Variants in MOCOS observed in about 807,000 individuals in gnomAD.
The protein encoded by MOCOS is human molybdenum cofactor sulfurase.
In MOCOS, 86 loss-of-function variants were observed where a neutral mutation model predicts 83.6. That is an observed-to-expected ratio of 1.03 (90% CI 0.86 to 1.23). MOCOS has a LOEUF of 1.23. MOCOS is among the 50% of genes most tolerant of loss of function. The pLI, the probability that MOCOS is intolerant of heterozygous loss-of-function variation, is 0.00. For synonymous variants in MOCOS, 445 were observed against 434.7 expected (o/e 1.02, Z -0.29); for missense variants, 1,120 against 1,126.9 (o/e 0.99, Z 0.09).
In MOCOS at chr18:36,255,413, C is replaced by T. The variant is rs182533947; in HGVS notation, c.2165-1555C>T. On this transcript the variant is annotated intron_variant, in intron 11 of 14. Coordinates refer to ENST00000261326, the MANE Select transcript of MOCOS (RefSeq NM_017947.4). ...AGCAAATAATTGGAATCCATCTGAC[C>T]TACAGGAGGATCATTTGCCCAAGCT... 3.9e-5 allele frequency among the ~76,000 whole-genome samples: 6 copies of T among 152,320 alleles called. No individual in the cohort carries two copies. The East Asian group carries it at 1.2e-3, about 29-fold the overall frequency.
At chr18:36,221,743 TGAGACAGAGTTTCACTC>T (rs2091496927) in intron 9 of MOCOS, among the ~76,000 whole-genome samples, 1 of 151,614 alleles carries the variant, frequency 6.6e-6, no homozygotes, top group African/African-American at 2.4e-5. Context: ...TTTTTTTTTT[TGAGACAGAGTTTCACTC>T]TTGTTGTCCA....
chr18:36,221,602 GTGTTCTGTTCTGTTC>G (rs10618481), intron 9 of MOCOS, among the ~76,000 whole-genome samples: 24,548 of 150,702 alleles, frequency 0.16, 2,489 homozygotes, highest in African/African-American at 0.26. Context: ...TTGGCTGTAA[GTGTTCTGTTCTGTTC>G]TGTTCTGTTC....
chr18:36,266,684 C>A, intron 13 of MOCOS, 65 bp from the exon 14 acceptor site: 1 of 1,378,906 alleles, frequency 7.3e-7, no homozygotes, highest in Non-Finnish European at 1.0e-6. Flanking sequence ...TGTGATTCCT[C>A]CCTCTGAGGT....
At position 36,227,422 on chromosome 18, in the gene MOCOS, G is replaced by T. The variant is rs537468856; in HGVS notation, c.1960+7205G>T. Among the ~76,000 whole-genome samples the T allele has an allele frequency of 1.8e-4, 27 of 151,692 alleles. 1 individual carries two copies. The South Asian group carries it at 4.2e-3, about 23-fold the overall frequency. On this transcript the variant is annotated intron_variant, in intron 9 of 14. Coordinates refer to ENST00000261326, the MANE Select transcript of MOCOS (RefSeq NM_017947.4). ...AAATTTTTTTTTTTTTTGAGATGGG[G>T]TCTCGCTCTGTCACCCAGGCTGGAG... is the stretch of plus-strand genomic sequence containing the variant.
chr18:36,236,882 C>G (rs1336320278), intron 9 of MOCOS, among the ~76,000 whole-genome samples: 1 of 151,024 alleles, frequency 6.6e-6, no homozygotes, highest in East Asian at 2.0e-4. Flanking sequence ...GTATTTTATT[C>G]TCTTTGAAGC....
At chr18:36,231,991 C>T (rs139453374) in intron 9 of MOCOS, among the ~76,000 whole-genome samples, 65 of 152,146 alleles carry the variant, frequency 4.3e-4, no homozygotes, top group African/African-American at 1.4e-3. Flanking sequence ...TTTTGAGACA[C>T]GTTCTCACTG....
chr18:36,236,079 G>A (rs879900731), intron 9 of MOCOS, among the ~76,000 whole-genome samples: 111 of 126,078 alleles, frequency 8.8e-4, no homozygotes, highest in Non-Finnish European at 1.6e-3. Context: ...CATTTTGTAG[G>A]TTGCCTGTTC....
At chr18:36,247,836 A>T (rs2091607953) in intron 9 of MOCOS, among the ~76,000 whole-genome samples, 1 of 152,240 alleles carries the variant, frequency 6.6e-6, no homozygotes, top group African/African-American at 2.4e-5. Context: ...GCAGCGGTTC[A>T]TGCAGCAAAA....
chr18:36,235,635 G>A (rs1362780603), intron 9 of MOCOS, among the ~76,000 whole-genome samples: 1 of 149,324 alleles, frequency 6.7e-6, no homozygotes, highest in Non-Finnish European at 1.5e-5. Flanking sequence ...ATAGTCCTTT[G>A]GGTATATACC....
chr18:36,197,152 C>T (rs1277898412), intron 2 of MOCOS, among the ~76,000 whole-genome samples: 1 of 152,044 alleles, frequency 6.6e-6, no homozygotes, highest in African/African-American at 2.4e-5. Context: ...ACAGTGGCCC[C>T]CTTCACATAT....
intron 9 of MOCOS, among the ~76,000 whole-genome samples, chr18:36,229,954 C>G (rs1568059618): frequency 6.6e-6 from 1 of 152,126 alleles, no homozygotes; most frequent in Non-Finnish European, 1.5e-5. Context: ...TTTAAACTCT[C>G]TGTCAGGTAA....
At chr18:36,255,179 A>G (rs2091637240) in intron 11 of MOCOS, among the ~76,000 whole-genome samples, 1 of 152,230 alleles carries the variant, frequency 6.6e-6, no homozygotes. Flanking sequence ...CCCATGAATG[A>G]CTGTCACTCA....
intron 3 of MOCOS, 130 bp downstream of exon 3, chr18:36,198,886 A>C: frequency 3.3e-6 from 3 of 916,226 alleles, no homozygotes; most frequent in African/African-American, 1.6e-5. Context: ...AAGGCAATGC[A>C]TGTATGTTGA....
intron 9 of MOCOS, among the ~76,000 whole-genome samples, chr18:36,247,475 C>T (rs1473302096): frequency 6.6e-6 from 1 of 152,196 alleles, no homozygotes; most frequent in Non-Finnish European, 1.5e-5. Context: ...GGCCCCTCTC[C>T]AATTCCACTG....
At chr18:36,188,414 A>G (rs1004573965) in intron 1 of MOCOS, among the ~76,000 whole-genome samples, 2 of 152,174 alleles carry the variant, frequency 1.3e-5, no homozygotes, top group African/African-American at 4.8e-5. Flanking sequence ...GAAATTGCAA[A>G]TCAAGCTCCA....
intron 11 of MOCOS, among the ~76,000 whole-genome samples, chr18:36,252,389 C>G (rs555869035): frequency 6.6e-6 from 1 of 152,170 alleles, no homozygotes; most frequent in African/African-American, 2.4e-5. Flanking sequence ...GAAACCGTAT[C>G]TCTTCAAAAA....
intron 9 of MOCOS, among the ~76,000 whole-genome samples, chr18:36,237,041 A>G (rs888425519): frequency 4.7e-5 from 7 of 149,414 alleles, no homozygotes; most frequent in Admixed American, 6.7e-5. Context: ...GGCTGAGACA[A>G]TGGGGTTTTC....
intron 9 of MOCOS, among the ~76,000 whole-genome samples, chr18:36,223,434 G>A (rs1419467985): frequency 6.6e-6 from 1 of 152,140 alleles, no homozygotes; most frequent in African/African-American, 2.4e-5. Flanking sequence ...TCTCTAGCCT[G>A]TTTCATTAGT....
At chr18:36,209,498 T>G (rs554947895) in intron 6 of MOCOS, among the ~76,000 whole-genome samples, 3 of 145,856 alleles carry the variant, frequency 2.1e-5, no homozygotes, top group Non-Finnish European at 4.6e-5. Context: ...AATCCCACCC[T>G]TCCCCCCTGA....
Sources: gnomAD v4.1 joint callset for allele counts (sites outside exome capture counted in the v4.1 genomes callset) on GRCh38, gnomAD v4.1.1 for gene constraint, MANE v1.5 for transcripts, NCBI Gene and HGNC (gene_info 2026-07-23, HGNC 2026-07-21) for gene names.